MLIP: variants seen among roughly 807,000 people sequenced by gnomAD.
The protein encoded by MLIP is muscular LMNA-interacting protein.
A neutral mutation model predicts 84.8 loss-of-function variants in MLIP; 79 were observed. That is an observed-to-expected ratio of 0.93 (90% CI 0.78 to 1.12). MLIP has a LOEUF of 1.12. Among genes scored for constraint, MLIP ranks in the 50% most tolerant of loss-of-function variants. The pLI, the probability that MLIP is intolerant of heterozygous loss-of-function variation, is 0.00. For synonymous variants in MLIP, 504 were observed against 463.0 expected (o/e 1.09, Z -1.14); for missense variants, 1,257 against 1,160.6 (o/e 1.08, Z -1.21).
Position 54,136,934 on chromosome 6 carries a change from G to C in MLIP, c.865G>C (p.Ala289Pro). 1 of 1,535,916 alleles carries C rather than the reference G, an allele frequency of 6.5e-7. No homozygotes were observed. The highest frequency in any genetic ancestry group is 8.7e-7 in the Non-Finnish European group (1 of 1,146,870). ...QTTAHSTPFS[A>P]SKGTSSTLLF... is the part of the protein sequence containing the mutation. Reference sequence around the variant, plus strand: ...TACCGCTCACTCTACACCCTTTTCTGCATCGAAGGGCACCTCCTCGACGTT... The same window carrying C: ...TACCGCTCACTCTACACCCTTTTCTCCATCGAAGGGCACCTCCTCGACGTT... The change falls in exon 4 of 14, where the codon GCA (alanine) becomes CCA (proline). Residue 289 changes from alanine to proline, a missense_variant. Physicochemically the swap from Ala to Pro is conservative, Grantham distance 27. Coordinates refer to ENST00000502396, the MANE Select transcript of MLIP (RefSeq NM_001281747.2).
chr6:54,233,469 G>A (rs918350984), intron 12 of MLIP, among the ~76,000 whole-genome samples: 26 of 152,164 alleles, frequency 1.7e-4, no homozygotes, highest in Admixed American at 7.2e-4. Flanking sequence ...GAGAATGATG[G>A]TTTCCAGCTT....
At chr6:54,254,787 C>T (rs1430569804) in intron 12 of MLIP, among the ~76,000 whole-genome samples, 1 of 144,448 alleles carries the variant, frequency 6.9e-6, no homozygotes, top group African/African-American at 2.7e-5. Context: ...CTCCCTTCCC[C>T]CCCCACTTTC....
At chr6:54,162,968 T>C (rs1774805974) in intron 8 of MLIP, among the ~76,000 whole-genome samples, 1 of 151,952 alleles carries the variant, frequency 6.6e-6, no homozygotes, top group South Asian at 2.1e-4. Context: ...TCATGGAAGC[T>C]ATAAGAAGAG....
At chr6:54,265,306 C>T (rs1459696084) in intron 13 of MLIP, among the ~76,000 whole-genome samples, 3 of 152,084 alleles carry the variant, frequency 2.0e-5, no homozygotes, top group Admixed American at 1.3e-4. Flanking sequence ...AGCCATCTTC[C>T]ACTCAATTAA....
Position 54,226,208 on chromosome 6 carries a change from G to A in MLIP, c.2719-4506G>A, listed in dbSNP as rs114215461. On this transcript the variant is annotated intron_variant, in intron 11 of 13. Transcript: ENST00000502396. ...ACCATTTTAAGATAATAATTCACAT[G>A]CTGGAGAGAGGAAAACAGGATTTCT... 5.9e-3 allele frequency among the ~76,000 whole-genome samples: 896 copies of A among 152,304 alleles called. 15 individuals carry two copies. Among genetic ancestry groups the A allele is most frequent in the African/African-American group, 0.021 (860 of 41,560 alleles).
intron 3 of MLIP, 136 bp from the exon 4 acceptor site, chr6:54,136,579 T>G: frequency 1.3e-6 from 1 of 793,808 alleles, no homozygotes; most frequent in Non-Finnish European, 1.8e-6. Flanking sequence ...CAAAATAGAA[T>G]TTCCTTCATT....
chr6:54,165,668 A>G (rs1450027900), intron 8 of MLIP, among the ~76,000 whole-genome samples: 1 of 151,982 alleles, frequency 6.6e-6, no homozygotes, highest in Non-Finnish European at 1.5e-5. Context: ...TTGTTTTGTG[A>G]AGCTGAAAAT....
At chr6:54,044,732 T>C (rs983106922) in intron 1 of MLIP, among the ~76,000 whole-genome samples, 1 of 152,074 alleles carries the variant, frequency 6.6e-6, no homozygotes, top group Non-Finnish European at 1.5e-5. Context: ...ATGAAGACTT[T>C]AGGTGGGTGT....
chr6:54,243,644 T>C (rs565024759), intron 12 of MLIP, among the ~76,000 whole-genome samples: 1 of 152,342 alleles, frequency 6.6e-6, no homozygotes, highest in Admixed American at 6.5e-5. Context: ...ATATAATTTG[T>C]ACAAAATTTT....
chr6:54,170,644 C>T (rs935386463), intron 9 of MLIP, among the ~76,000 whole-genome samples: 1 of 151,556 alleles, frequency 6.6e-6, no homozygotes, highest in African/African-American at 2.4e-5. Context: ...AAATTACTCA[C>T]CATTTTACCT....
intron 3 of MLIP, among the ~76,000 whole-genome samples, chr6:54,127,707 A>G (rs1397078358): frequency 6.6e-6 from 1 of 152,142 alleles, no homozygotes; most frequent in Non-Finnish European, 1.5e-5. Flanking sequence ...CATAGTCAAT[A>G]TAAATATTGG....
At chr6:54,124,942 G>T in intron 3 of MLIP, 77 bp downstream of exon 3, 2 of 1,362,696 alleles carry the variant, frequency 1.5e-6, no homozygotes, top group East Asian at 2.4e-5. Flanking sequence ...GTCTGCAAAG[G>T]CCATCCTGTT....
At chr6:54,056,844 C>A (rs1280249528) in intron 1 of MLIP, among the ~76,000 whole-genome samples, 1 of 152,136 alleles carries the variant, frequency 6.6e-6, no homozygotes, top group Non-Finnish European at 1.5e-5. Context: ...TAGTTTAATT[C>A]ACTTTTGGTA....
chr6:54,211,747 T>C (rs1257653397), intron 11 of MLIP, among the ~76,000 whole-genome samples: 1 of 152,142 alleles, frequency 6.6e-6, no homozygotes, highest in African/African-American at 2.4e-5. Context: ...AATCCTACAA[T>C]GCCCAGTACA....
intron 1 of MLIP, among the ~76,000 whole-genome samples, chr6:54,033,977 A>C (rs952751182): frequency 3.9e-5 from 6 of 152,182 alleles, no homozygotes; most frequent in Non-Finnish European, 8.8e-5. Flanking sequence ...TGTTAAAACA[A>C]TTTCTCTTTA....
intron 1 of MLIP, among the ~76,000 whole-genome samples, chr6:54,085,527 T>C (rs1767428933): frequency 6.6e-6 from 1 of 152,216 alleles, no homozygotes; most frequent in Non-Finnish European, 1.5e-5. Flanking sequence ...TCTGGTCATG[T>C]CAGAATTCTT....
intron 12 of MLIP, among the ~76,000 whole-genome samples, chr6:54,256,681 A>G (rs1783026733): frequency 6.6e-6 from 1 of 151,994 alleles, no homozygotes; most frequent in Non-Finnish European, 1.5e-5. Flanking sequence ...AGACCCACAT[A>G]GCAATAAAAA....
At chr6:54,078,372 G>A (rs529468157) in intron 1 of MLIP, among the ~76,000 whole-genome samples, 16 of 152,226 alleles carry the variant, frequency 1.1e-4, no homozygotes, top group African/African-American at 3.6e-4. Flanking sequence ...AGGCAAGATC[G>A]CTTGAGCCCA....
At chr6:54,189,331 A>C (rs975164173) in intron 9 of MLIP, among the ~76,000 whole-genome samples, 1 of 152,234 alleles carries the variant, frequency 6.6e-6, no homozygotes, top group Non-Finnish European at 1.5e-5. Context: ...GAAATATAGG[A>C]GCCAATGACA....
Sources: gnomAD v4.1 joint callset for allele counts (sites outside exome capture counted in the v4.1 genomes callset) on GRCh38, gnomAD v4.1.1 for gene constraint, MANE v1.5 for transcripts, NCBI Gene and HGNC (gene_info 2026-07-23, HGNC 2026-07-21) for gene names.